TENM1: variants seen among roughly 807,000 people sequenced by gnomAD.
TENM1 encodes teneurin transmembrane protein 1, also known as teneurin-1.
In TENM1, 35 loss-of-function variants were observed where a neutral mutation model predicts 174.8. The ratio of observed to expected loss-of-function variants is 0.20; its 90% confidence interval spans 0.15 to 0.27. The LOEUF (loss-of-function observed/expected upper bound fraction) is 0.27, where lower values mean the gene tolerates loss of function less well. Among genes scored for constraint, TENM1 ranks in the 10% least tolerant of loss-of-function variants. The probability of loss-of-function intolerance (pLI) is 1.00; values close to 1 mark genes in which losing one functional copy is unlikely to be tolerated. For missense variants in TENM1, 1,633 were observed against 2,130.1 expected, an observed-to-expected ratio of 0.77 and a Z score of 4.59; for synonymous variants, 781 against 798.7, an observed-to-expected ratio of 0.98 and a Z score of 0.37.
At chrX:124,575,396 T>C (rs767252458) in intron 11 of TENM1, among the ~76,000 whole-genome samples, 1 of 111,924 alleles carries the variant, frequency 8.9e-6, no homozygotes, top group Non-Finnish European at 1.9e-5. Flanking sequence ...ACTGAAGAGA[T>C]TCAAAATGAT....
At chrX:124,426,692 C>T (rs1285260218) in intron 23 of TENM1, among the ~76,000 whole-genome samples, 1 of 112,026 alleles carries the variant, frequency 8.9e-6, no homozygotes, top group Non-Finnish European at 1.9e-5. Context: ...CATAGACTGG[C>T]CTTCTCTGGT....
At chrX:124,558,326 T>C (rs1429223772) in intron 14 of TENM1, among the ~76,000 whole-genome samples, 3 of 111,732 alleles carry the variant, frequency 2.7e-5, no homozygotes, top group African/African-American at 9.8e-5. Context: ...AATTCCACCA[T>C]TCTTTAAGTA....
At chrX:124,410,125 C>T (rs2147700271) in intron 25 of TENM1, among the ~76,000 whole-genome samples, 1 of 111,413 alleles carries the variant, frequency 9.0e-6, no homozygotes, top group East Asian at 2.8e-4. Flanking sequence ...AACTATACTA[C>T]AAGGCTACAG....
At chrX:125,121,800 G>C in the TENM1 span, among the ~76,000 whole-genome samples, 5 of 112,547 alleles carry the variant, frequency 4.4e-5, no homozygotes, top group South Asian at 1.8e-3. Flanking sequence ...GGCCGGATGT[G>C]GTGGCTCACT....
the TENM1 span, among the ~76,000 whole-genome samples, chrX:125,119,888 AT>A: frequency 2.7e-5 from 3 of 111,932 alleles, no homozygotes; most frequent in African/African-American, 9.7e-5. Flanking sequence ...AATAGTCTTT[AT>A]AGTACTAGTT....
rs930521019 is a variant in TENM1, at chrX:124,440,374, T to C, written c.4104+12963A>G. Among the ~76,000 whole-genome samples, 18 of 112,027 alleles carry C rather than the reference T, an allele frequency of 1.6e-4. No homozygotes were observed. The Admixed American group carries it at 1.7e-3, about 11-fold the overall frequency. ...AATTAACATCTTACATCATCTCTTTTATTTGTAAAGCCCTTCACACTTTTC... is the reference window on the plus strand; with the variant it reads ...AATTAACATCTTACATCATCTCTTTCATTTGTAAAGCCCTTCACACTTTTC... On this transcript the variant is annotated intron_variant, in intron 23 of 31. Coordinates refer to ENST00000422452, the Ensembl canonical transcript of TENM1.
At chrX:124,957,836 C>A (rs1391322375) in intron 1 of TENM1, among the ~76,000 whole-genome samples, 2 of 111,604 alleles carry the variant, frequency 1.8e-5, no homozygotes, top group Admixed American at 1.9e-4. Flanking sequence ...CCTTTTTATG[C>A]ATGGATGACT....
At chrX:124,420,401 T>C in exon 25 of TENM1, 3 of 1,212,142 alleles carry the variant, frequency 2.5e-6, no homozygotes, top group Non-Finnish European at 3.3e-6. Flanking sequence ...ATTATAGCCT[T>C]GGGCTGACAC....
chrX:124,436,795 G>A (rs1443104118), intron 23 of TENM1, among the ~76,000 whole-genome samples: 2 of 110,794 alleles, frequency 1.8e-5, no homozygotes, highest in African/African-American at 3.3e-5. Context: ...TTCCCCAGTC[G>A]GAGAGATGGT....
At chrX:124,481,949 G>A (rs1271293325) in exon 22 of TENM1, 3 of 1,178,207 alleles carry the variant, frequency 2.5e-6, no homozygotes, top group Admixed American at 2.2e-5. Flanking sequence ...GATAGTATTT[G>A]TGAGCAGGAC....
chrX:125,023,481 C>T, the TENM1 span, among the ~76,000 whole-genome samples: 8 of 111,001 alleles, frequency 7.2e-5, no homozygotes, highest in Non-Finnish European at 1.1e-4. Context: ...TATGGCTCTG[C>T]GTCAACCAGG....
At chrX:125,063,444 T>G in the TENM1 span, among the ~76,000 whole-genome samples, 1 of 111,328 alleles carries the variant, frequency 9.0e-6, no homozygotes, top group South Asian at 3.8e-4. Context: ...GAATCTACAA[T>G]GACTCAAACA....
intron 25 of TENM1, among the ~76,000 whole-genome samples, chrX:124,413,959 A>T (rs1434694148): frequency 2.7e-5 from 3 of 111,323 alleles, no homozygotes; most frequent in Non-Finnish European, 5.7e-5. Flanking sequence ...CTTGCCCCCT[A>T]CCCCTTCTGA....
At chrX:124,638,544 C>G (rs902392426) in intron 11 of TENM1, among the ~76,000 whole-genome samples, 1 of 110,674 alleles carries the variant, frequency 9.0e-6, no homozygotes, top group Non-Finnish European at 1.9e-5. Context: ...TGTAAAGCAC[C>G]CTACCATAGT....
intron 3 of TENM1, among the ~76,000 whole-genome samples, chrX:124,769,784 C>A (rs766039461): frequency 8.9e-6 from 1 of 111,770 alleles, no homozygotes; most frequent in African/African-American, 3.2e-5. Flanking sequence ...AGTGAGAAAA[C>A]TCATTTTAAG....
At chrX:124,951,972 G>A (rs1015441792) in intron 1 of TENM1, among the ~76,000 whole-genome samples, 2 of 110,122 alleles carry the variant, frequency 1.8e-5, no homozygotes, top group Admixed American at 9.8e-5. Context: ...AGATTCGAAA[G>A]AACACACTGA....
chrX:124,701,708 C>T (rs1372340355), intron 5 of TENM1, among the ~76,000 whole-genome samples: 1 of 112,187 alleles, frequency 8.9e-6, no homozygotes, highest in African/African-American at 3.2e-5. Context: ...CCATGCCTCT[C>T]TTCACCAACT....
chrX:124,894,655 C>T (rs982991661), intron 2 of TENM1, among the ~76,000 whole-genome samples: 25 of 111,436 alleles, frequency 2.2e-4, no homozygotes, highest in Non-Finnish European at 3.8e-5. Flanking sequence ...AAACTTCTTT[C>T]ATTTTAATGT....
the TENM1 span, among the ~76,000 whole-genome samples, chrX:125,182,107 G>A: frequency 9.1e-6 from 1 of 110,432 alleles, no homozygotes; most frequent in South Asian, 3.9e-4. Flanking sequence ...TTTCCTGGAG[G>A]CTCTAGGAAA....
Sources: allele counts gnomAD v4.1 joint callset (sites outside exome capture counted in the v4.1 genomes callset), GRCh38; gene constraint gnomAD v4.1.1; transcripts MANE v1.5; gene names NCBI Gene and HGNC (gene_info 2026-07-23, HGNC 2026-07-21).